CEP55: variants seen among roughly 807,000 people sequenced by gnomAD.
CEP55 encodes the protein centrosomal protein 55.
In CEP55, 57 loss-of-function variants were observed where a neutral mutation model predicts 63.2. The ratio of observed to expected loss-of-function variants is 0.90; its 90% confidence interval spans 0.73 to 1.13. CEP55 has a LOEUF of 1.13. CEP55 is among the 50% of genes most tolerant of loss of function. CEP55 has a pLI of 0.00. For synonymous variants in CEP55, 178 were observed against 191.6 expected, an observed-to-expected ratio of 0.93 and a Z score of 0.59; for missense variants, 456 against 518.9, an observed-to-expected ratio of 0.88 and a Z score of 1.18.
intron 3 of CEP55, among the ~76,000 whole-genome samples, 184 bp from the exon 4 acceptor site, chr10:93,506,804 C>A (rs1308780673): frequency 6.6e-6 from 1 of 152,162 alleles, no homozygotes; most frequent in Non-Finnish European, 1.5e-5. Context: ...AAACTCCTGA[C>A]CTCAAATGAT....
intron 6 of CEP55, among the ~76,000 whole-genome samples, chr10:93,518,671 C>G (rs1233926931): frequency 6.6e-6 from 1 of 152,172 alleles, no homozygotes; most frequent in African/African-American, 2.4e-5. Flanking sequence ...CTGTGTGCCT[C>G]AGGGAACTCT....
intron 6 of CEP55, 121 bp from the exon 7 acceptor site, chr10:93,518,756 C>T: frequency 1.6e-6 from 1 of 631,896 alleles, no homozygotes; most frequent in Non-Finnish European, 2.8e-6. Flanking sequence ...TGATTCACCC[C>T]TGACTAGCAG....
intron 8 of CEP55, 21 bp from the exon 9 acceptor site, chr10:93,527,929 T>G (rs1372540264): frequency 6.3e-7 from 1 of 1,597,388 alleles, no homozygotes; most frequent in South Asian, 1.1e-5. Flanking sequence ...CAAATTCTAT[T>G]ATTTGAAACT....
chr10:93,521,045 C>T (rs1049973075), intron 8 of CEP55, among the ~76,000 whole-genome samples: 5 of 152,116 alleles, frequency 3.3e-5, no homozygotes, highest in African/African-American at 9.7e-5. Context: ...ACACAGAAGA[C>T]GGATGATTTC....
rs2057796849 is a variant in CEP55, at chr10:93,515,654, G to C, written c.679+99G>C. The C allele has an allele frequency of 7.3e-6, 9 of 1,240,006 alleles. No individual in the cohort carries two copies. The Admixed American group carries it at 1.6e-4, about 22-fold the overall frequency. The allele number at this position is 1,240,006 out of a possible 1,614,324, so 76.8% of individuals were successfully genotyped here. A position where few individuals can be genotyped will look rare whatever the true frequency, so the allele number is the denominator to read the frequency against. On this transcript the variant is annotated intron_variant, in intron 5 of 8. Coordinates refer to ENST00000371485, the MANE Select transcript of CEP55 (RefSeq NM_018131.5). Reference sequence around the variant, plus strand: ...GATTTTTATAGATATGTGTTAGAAAGTAAAATAAGAGCAAGTCTTATAGCC... The same window carrying C: ...GATTTTTATAGATATGTGTTAGAAACTAAAATAAGAGCAAGTCTTATAGCC...
intron 4 of CEP55, 110 bp from the exon 5 acceptor site, chr10:93,515,295 T>C (rs2057792164): frequency 1.1e-6 from 1 of 934,406 alleles, no homozygotes. Context: ...AATTAGTCTA[T>C]GAGCCATAGA....
At chr10:93,515,851 C>T (rs2057798646) in intron 5 of CEP55, among the ~76,000 whole-genome samples, 1 of 152,188 alleles carries the variant, frequency 6.6e-6, no homozygotes, top group South Asian at 2.1e-4. Flanking sequence ...GCTTTTACTT[C>T]CCCCAGAGTT....
At chr10:93,520,342 A>T (rs12571542) in intron 8 of CEP55, 2 of 151,980 alleles carry the variant, frequency 1.3e-5, no homozygotes, top group Non-Finnish European at 2.8e-5. Flanking sequence ...CAGGAGAATC[A>T]CTTGAACCCG....
At chr10:93,526,380 A>C (rs1221316515) in intron 8 of CEP55, among the ~76,000 whole-genome samples, 1 of 152,128 alleles carries the variant, frequency 6.6e-6, no homozygotes, top group Non-Finnish European at 1.5e-5. Context: ...CAAAACCACA[A>C]TGAGATACCA....
chr10:93,501,065 C>A (rs2057630561), intron 2 of CEP55, among the ~76,000 whole-genome samples: 1 of 152,150 alleles, frequency 6.6e-6, no homozygotes, highest in African/African-American at 2.4e-5. Flanking sequence ...TGTTAATTTA[C>A]TAAATGTAAA....
chr10:93,519,100 G>A lies in CEP55; in HGVS notation c.1065+152G>A, dbSNP rs868676786. 2.0e-5 allele frequency: 11 copies of A among 560,824 alleles called. No homozygotes were observed. The Middle Eastern group carries it at 3.3e-3, about 169-fold the overall frequency. 34.7% of individuals were successfully genotyped at this position (560,824 alleles called of 1,614,324 possible). A position where few individuals can be genotyped will look rare whatever the true frequency, so the allele number is the denominator to read the frequency against. ...AAAGTCTTTCTTCTTCAATAAAAAA[G>A]ATATTTCAAGAGACTCTGCTAGCCA... On this transcript the variant is annotated intron_variant, in intron 7 of 8. Coordinates refer to ENST00000371485, the MANE Select transcript of CEP55 (RefSeq NM_018131.5).
At chr10:93,513,447 A>G (rs2057771691) in intron 4 of CEP55, among the ~76,000 whole-genome samples, 1 of 152,306 alleles carries the variant, frequency 6.6e-6, no homozygotes, top group Non-Finnish European at 1.5e-5. Context: ...TCTTTAAAGG[A>G]TGGAAATTCT....
intron 4 of CEP55, among the ~76,000 whole-genome samples, chr10:93,507,704 A>G (rs985803097): frequency 7.2e-5 from 11 of 152,004 alleles, no homozygotes; most frequent in African/African-American, 2.7e-4. Flanking sequence ...GCTGGAATGG[A>G]CTGGTGAGAT....
intron 8 of CEP55, among the ~76,000 whole-genome samples, chr10:93,522,154 G>A (rs1186451981): frequency 6.6e-6 from 1 of 152,228 alleles, no homozygotes; most frequent in Non-Finnish European, 1.5e-5. Context: ...AAAGGAGGAA[G>A]TTCGAACCCG....
intron 8 of CEP55, among the ~76,000 whole-genome samples, chr10:93,525,633 A>G (rs965463645): frequency 4.1e-4 from 62 of 151,900 alleles, no homozygotes; most frequent in East Asian, 2.7e-3. Context: ...CGCCAAGTCA[A>G]TCCTAAGCCA....
At chr10:93,527,925 C>G (rs185642530) in intron 8 of CEP55, 25 bp from the exon 9 acceptor site, 3 of 1,578,288 alleles carry the variant, frequency 1.9e-6, no homozygotes, top group Non-Finnish European at 2.6e-6. Context: ...TTTACAAATT[C>G]TATTATTTGA....
chr10:93,500,733 A>T (rs2057626810), intron 2 of CEP55, among the ~76,000 whole-genome samples: 1 of 151,768 alleles, frequency 6.6e-6, no homozygotes, highest in African/African-American at 2.4e-5. Context: ...AATTGATAGC[A>T]TAACTTAGAA....
At chr10:93,502,740 G>C (rs956070) in intron 2 of CEP55, among the ~76,000 whole-genome samples, 117,734 of 152,118 alleles carry the variant, frequency 0.77, 46,803 homozygotes, top group Middle Eastern at 0.88. Flanking sequence ...TTGTGTGACC[G>C]ACTTTTAGCT....
rs1259783333 is a variant in CEP55 at position 93,503,255 on chromosome 10, G to A, written c.326G>A (p.Arg109Lys). The change falls in exon 3 of 9, where the codon AGA becomes AAA. Residue 109 changes from arginine to lysine, a missense_variant. Arg to Lys is a conservative substitution (Grantham distance 26). Transcript: ENST00000371485. ...CTTGAACAGCTGGAAGAGACAACGA[G>A]AGAAGGAGAAAGGAGGGAGCAGGTG... Reference protein sequence around the residue: ...TLLEQLEETTREGERREQVLK... With the variant: ...TLLEQLEETTKEGERREQVLK... The A allele has an allele frequency of 1.1e-5, 18 of 1,614,078 alleles. No individual in the cohort carries two copies. Among genetic ancestry groups the A allele is most frequent in the Non-Finnish European group, 1.4e-5 (17 of 1,180,050 alleles).
Sources: allele counts gnomAD v4.1 joint callset (sites outside exome capture counted in the v4.1 genomes callset), GRCh38; gene constraint gnomAD v4.1.1; transcripts MANE v1.5; gene names NCBI Gene and HGNC (gene_info 2026-07-23, HGNC 2026-07-21).